The following MFSD11 variants were observed in gnomAD, a reference collection of about 807,000 sequenced individuals.
MFSD11 encodes major facilitator superfamily domain containing 11.
Under a neutral mutation model 53.5 loss-of-function variants are expected in MFSD11, and 36 were observed. The ratio of observed to expected loss-of-function variants is 0.67; its 90% CI spans 0.52 to 0.89. The LOEUF is 0.89. Among genes scored for constraint, MFSD11 ranks in the 40% least tolerant of loss-of-function variants. The pLI, the probability that MFSD11 is intolerant of heterozygous loss-of-function variation, is 0.00. For synonymous variants in MFSD11, 186 were observed against 184.9 expected, an observed-to-expected ratio of 1.01 and a Z score of -0.05; for missense variants, 530 against 543.9, an observed-to-expected ratio of 0.97 and a Z score of 0.25.
At chr17:76,747,827 CTG>C (rs1449196315) in intron 7 of MFSD11, 5 of 152,176 alleles carry the variant, frequency 3.3e-5, no homozygotes, top group East Asian at 1.9e-4. Flanking sequence ...GGTTCTGTAA[CTG>C]TGAGCTGGCG....
At chr17:76,780,184 G>T (rs1224453367), downstream of MFSD11, among the ~76,000 whole-genome samples, 1 of 152,036 alleles carries the variant, frequency 6.6e-6, no homozygotes, top group African/African-American at 2.4e-5. Flanking sequence ...CTAATTCCAG[G>T]ACATTTTATC....
chr17:76,763,392 G>A (rs2080477660), intron 8 of MFSD11, among the ~76,000 whole-genome samples: 1 of 151,684 alleles, frequency 6.6e-6, no homozygotes, highest in Admixed American at 6.6e-5. Flanking sequence ...AGCCTCCCTA[G>A]TAGCGGGATT....
downstream of MFSD11, among the ~76,000 whole-genome samples, chr17:76,783,233 T>G (rs2082215210): frequency 6.6e-6 from 1 of 152,194 alleles, no homozygotes. Context: ...TTCAAAACTT[T>G]TGTCTTCATA....
downstream of MFSD11, among the ~76,000 whole-genome samples, chr17:76,783,396 CTG>C (rs2082219315): frequency 1.3e-5 from 2 of 152,192 alleles, no homozygotes; most frequent in Non-Finnish European, 2.9e-5. Context: ...GTGTTTTTCT[CTG>C]TGAGTATGAA....
rs116086776 is a variant in MFSD11 at position 76,778,328 on chromosome 17, C to T, written c.1326C>T (p.Arg442=). Residue 442 remains arginine, a synonymous_variant, in exon 13 of 13, where the codon CGC becomes CGT. Transcript: ENST00000685175. ...GGGAAGCTGCCGCCTTTGTAGCCCG[C>T]GGCTCTGACTACCGAAGTATCTGAT... ...VEWEAAAFVA[R]GSDYRSI 2.8e-4 allele frequency: 446 copies of T among 1,614,132 alleles called. 1 individual carries two copies. In the African/African-American group the frequency reaches 5.0e-3, roughly 18 times the overall value.
chr17:76,743,789 T>C (rs1196130611), intron 6 of MFSD11, among the ~76,000 whole-genome samples: 1 of 152,092 alleles, frequency 6.6e-6, no homozygotes, highest in African/African-American at 2.4e-5. Flanking sequence ...GCTAATTTTG[T>C]ATTTTTAGTA....
chr17:76,765,038 T>C (rs1408453562), intron 8 of MFSD11, among the ~76,000 whole-genome samples: 1 of 152,218 alleles, frequency 6.6e-6, no homozygotes, highest in Non-Finnish European at 1.5e-5. Context: ...GTTTAGTTTT[T>C]CTTCTGTTGT....
upstream of MFSD11, chr17:76,738,116 GT>G (rs748348604): frequency 1.0e-3 from 532 of 516,938 alleles, no homozygotes; most frequent in Non-Finnish European, 1.6e-3. Context: ...TTCTCCGGGG[GT>G]TGTGCTCTTC....
At chr17:76,757,181 A>G (rs2079739106) in intron 8 of MFSD11, among the ~76,000 whole-genome samples, 1 of 152,198 alleles carries the variant, frequency 6.6e-6, no homozygotes, top group South Asian at 2.1e-4. Context: ...CATCTCACCT[A>G]GACAGTTGGA....
chr17:76,746,311 G>C (rs1000311884), intron 7 of MFSD11, among the ~76,000 whole-genome samples: 1 of 152,174 alleles, frequency 6.6e-6, no homozygotes, highest in Non-Finnish European at 1.5e-5. Context: ...AGGTTGGTTC[G>C]TGAGGATCAA....
At chr17:76,753,751 A>G (rs1363156809) in intron 7 of MFSD11, among the ~76,000 whole-genome samples, 1 of 152,008 alleles carries the variant, frequency 6.6e-6, no homozygotes. Flanking sequence ...GTATTTCTGT[A>G]CTGCCTGAAG....
At chr17:76,759,693 G>A (rs763134524) in intron 8 of MFSD11, among the ~76,000 whole-genome samples, 6 of 146,978 alleles carry the variant, frequency 4.1e-5, no homozygotes, top group African/African-American at 7.5e-5. Context: ...TCCTGATCTC[G>A]TGATCTGCCT....
chr17:76,745,138 C>A lies in MFSD11; in HGVS notation c.641+672C>A, dbSNP rs532728588. On this transcript the variant is annotated intron_variant, in intron 7 of 12. Coordinates refer to ENST00000685175, the MANE Select transcript of MFSD11 (RefSeq NM_001242532.5). ...GAGGAAGGAGAGATGAGAAATTAAT[C>A]TCTGCCACCCTTGTTTTGCTTTGTT... Among the ~76,000 whole-genome samples, 6 of 152,326 alleles carry A rather than the reference C, an allele frequency of 3.9e-5. No homozygotes were observed. In the South Asian group the frequency reaches 1.0e-3, roughly 26 times the overall value.
At position 76,754,072 on chromosome 17, in the gene MFSD11, G is replaced by A. The variant is rs758268175; in HGVS notation, c.667G>A (p.Ala223Thr). ...NESAQNNLTK[A>T]VDAFKKSFKL... Reference sequence around the variant, plus strand: ...GTCTGCCCAGAACAATCTGACAAAGGCAGTAGATGCTTTTAGTAAGTATTT... The same window carrying A: ...GTCTGCCCAGAACAATCTGACAAAGACAGTAGATGCTTTTAGTAAGTATTT... The change falls in exon 8 of 13, where the codon GCA (alanine) becomes ACA (threonine). Residue 223 changes from alanine (A) to threonine (T), a missense_variant. By Grantham distance (58) the Ala-to-Thr change is moderately conservative (BLOSUM62 0). Coordinates refer to ENST00000685175, the MANE Select transcript of MFSD11 (RefSeq NM_001242532.5). The A allele has an allele frequency of 6.2e-7, 1 of 1,613,048 alleles. No homozygotes were observed. Among genetic ancestry groups the A allele is most frequent in the South Asian group, 1.1e-5 (1 of 90,968 alleles).
the MFSD11 span, among the ~76,000 whole-genome samples, chr17:76,798,044 C>T: frequency 2.0e-5 from 3 of 151,158 alleles, no homozygotes; most frequent in East Asian, 3.9e-4. Flanking sequence ...CCACCACGCC[C>T]GGTTAATGTT....
chr17:76,783,795 C>T (rs939574925), downstream of MFSD11, among the ~76,000 whole-genome samples: 5 of 152,076 alleles, frequency 3.3e-5, no homozygotes, highest in African/African-American at 1.2e-4. Context: ...AACTCCTGAG[C>T]TCAGGTGATC....
At chr17:76,797,986 T>C in the MFSD11 span, among the ~76,000 whole-genome samples, 2 of 151,938 alleles carry the variant, frequency 1.3e-5, no homozygotes, top group Admixed American at 6.6e-5. Context: ...TGGGCTCACG[T>C]GATCCTCCCA....
At chr17:76,740,875 A>C (rs1372040684) in intron 2 of MFSD11, 82 bp from the exon 3 acceptor site, 2 of 787,816 alleles carry the variant, frequency 2.5e-6, no homozygotes, top group Non-Finnish European at 4.3e-6. Context: ...ATCTATAAAC[A>C]AATGGATTTT....
chr17:76,743,420 A>G lies in MFSD11; in HGVS notation c.460A>G (p.Ile154Val), dbSNP rs775020477. 2.8e-5 allele frequency: 45 copies of G among 1,583,386 alleles called. No homozygotes were observed. The highest frequency in any genetic ancestry group is 2.3e-4 in the South Asian group (19 of 83,746). ...CAGCTTGTTCTTTGGAAATCTCTAC[A>G]TATATTTTGCCTGGCAAGGGAAAAC... is the stretch of plus-strand genomic sequence containing the variant. Reference protein sequence around the residue: ...QSSLFFGNLYIYFAWQGKTQI... With the variant: ...QSSLFFGNLYVYFAWQGKTQI... The change falls in exon 6 of 13, where the codon ATA (isoleucine) becomes GTA (valine). Residue 154 changes from isoleucine (I) to valine (V), a missense_variant. Coordinates refer to ENST00000685175, the MANE Select transcript of MFSD11 (RefSeq NM_001242532.5).
Sources: gnomAD v4.1 joint callset for allele counts (sites outside exome capture counted in the v4.1 genomes callset) on GRCh38, gnomAD v4.1.1 for gene constraint, MANE v1.5 for transcripts, NCBI Gene and HGNC (gene_info 2026-07-23, HGNC 2026-07-21) for gene names.